The following EFR3B variants were observed in gnomAD, a reference collection of about 807,000 sequenced individuals.
EFR3B encodes EFR3 homolog B, also known as protein EFR3 homolog B.
In EFR3B, 64 loss-of-function variants were observed where a neutral mutation model predicts 104.7. The ratio of observed to expected loss-of-function variants is 0.61; its 90% CI spans 0.50 to 0.75. The LOEUF (loss-of-function observed/expected upper bound fraction) is 0.75. EFR3B is among the 30% of genes least tolerant of loss of function. EFR3B has a pLI of 0.00. For synonymous variants in EFR3B, 385 were observed against 417.9 expected, an observed-to-expected ratio of 0.92 and a Z score of 0.96; for missense variants, 750 against 1,078.5, an observed-to-expected ratio of 0.70 and a Z score of 4.27.
At chr2:25,152,826 G>A (rs1671051055) in intron 21 of EFR3B, among the ~76,000 whole-genome samples, 7 of 141,656 alleles carry the variant, frequency 4.9e-5, no homozygotes, top group Admixed American at 4.8e-4. Flanking sequence ...GTGTGTGTGT[G>A]TGTGTGTGTG....
chr2:25,133,342 C>CTAT (rs1321150699), intron 11 of EFR3B, 41 bp from the exon 12 acceptor site: 1 of 1,547,080 alleles, frequency 6.5e-7, no homozygotes, highest in South Asian at 1.2e-5. Context: ...GACCTCTGCC[C>CTAT]TATTACCATC....
intron 16 of EFR3B, among the ~76,000 whole-genome samples, chr2:25,139,574 G>A (rs550075813): frequency 6.6e-6 from 1 of 152,064 alleles, no homozygotes; most frequent in African/African-American, 2.4e-5. Flanking sequence ...ATGAAATACC[G>A]CAAAAGTGAC....
At chr2:25,099,105 C>T (rs748365022) in intron 3 of EFR3B, among the ~76,000 whole-genome samples, 27 of 152,122 alleles carry the variant, frequency 1.8e-4, no homozygotes, top group Admixed American at 7.2e-4. Flanking sequence ...ATTTCCTACC[C>T]GCCATGCTTG....
At chr2:25,132,146 A>T (rs1009480790) in intron 10 of EFR3B, among the ~76,000 whole-genome samples, 25 of 152,282 alleles carry the variant, frequency 1.6e-4, no homozygotes, top group African/African-American at 4.6e-4. Context: ...CCCCTGTAGG[A>T]TTGTCCAGCA....
rs1186258528 is a variant in EFR3B at position 25,136,964 on chromosome 2, T to G, written c.1560+366T>G. Among the ~76,000 whole-genome samples, 1 of 152,092 alleles carries G rather than the reference T, an allele frequency of 6.6e-6. No homozygotes were observed. Among genetic ancestry groups the G allele is most frequent in the East Asian group, 1.9e-4 (1 of 5,192 alleles). On this transcript the variant is annotated intron_variant, in intron 14 of 22. Coordinates refer to ENST00000403714, the MANE Select transcript of EFR3B (RefSeq NM_014971.2). The surrounding 1 kb of genome is among the most constrained non-coding windows in gnomAD (Gnocchi z 4.0). ...TGCCTCCTCCCTCTGTAGCTATGTC[T>G]CCTCCCTCTGTAGCTCTGTCTCCTC...
intron 16 of EFR3B, 22 bp downstream of exon 16, chr2:25,139,212 A>G (rs776290719): frequency 3.9e-6 from 6 of 1,546,542 alleles, no homozygotes; most frequent in Non-Finnish European, 5.2e-6. Flanking sequence ...CACGACCAAG[A>G]GCTCAGGGGG....
At chr2:25,149,241 G>C (rs1431173279) in intron 19 of EFR3B, among the ~76,000 whole-genome samples, 1 of 152,074 alleles carries the variant, frequency 6.6e-6, no homozygotes, top group African/African-American at 2.4e-5. Flanking sequence ...CCAGCTACTT[G>C]GGAGGCTGAG....
chr2:25,081,257 G>T (rs993777813), intron 1 of EFR3B: 2 of 1,039,920 alleles, frequency 1.9e-6, no homozygotes, highest in Non-Finnish European at 1.5e-6. Context: ...CTCCTTTGAG[G>T]CCACTTTCAA....
At chr2:25,102,094 T>C (rs1265331659) in intron 3 of EFR3B, among the ~76,000 whole-genome samples, 1 of 152,194 alleles carries the variant, frequency 6.6e-6, no homozygotes, top group African/African-American at 2.4e-5. Flanking sequence ...TTTCTTGGGA[T>C]TTATGAGAAG....
chr2:25,121,876 A>G, intron 5 of EFR3B, 82 bp downstream of exon 5: 2 of 1,526,024 alleles, frequency 1.3e-6, no homozygotes, highest in Non-Finnish European at 1.8e-6. Context: ...CCAACCTGCC[A>G]TTGCGTGTCT....
intron 5 of EFR3B, among the ~76,000 whole-genome samples, chr2:25,122,743 G>A (rs1203274191): frequency 6.6e-6 from 1 of 151,986 alleles, no homozygotes; most frequent in African/African-American, 2.4e-5. Flanking sequence ...CCCTCACTCT[G>A]CCGGGGTTTC....
intron 1 of EFR3B, among the ~76,000 whole-genome samples, chr2:25,052,564 T>G (rs988981158): frequency 1.4e-5 from 2 of 144,092 alleles, no homozygotes; most frequent in African/African-American, 2.6e-5. Context: ...TGCAGTGGCG[T>G]GATCTCTGCT....
At chr2:25,142,971 G>C (rs1670713948) in intron 17 of EFR3B, among the ~76,000 whole-genome samples, 1 of 150,602 alleles carries the variant, frequency 6.6e-6, no homozygotes. Flanking sequence ...AAAAAGGCTG[G>C]GCATGGCGGC....
intron 4 of EFR3B, among the ~76,000 whole-genome samples, chr2:25,107,057 G>A (rs576304282): frequency 2.0e-5 from 3 of 152,158 alleles, no homozygotes; most frequent in South Asian, 4.1e-4. Context: ...GCCAAGAAGC[G>A]AGATGATTTG....
intron 1 of EFR3B, among the ~76,000 whole-genome samples, chr2:25,061,405 G>A (rs1363266288): frequency 6.6e-6 from 1 of 151,888 alleles, no homozygotes; most frequent in Non-Finnish European, 1.5e-5. Flanking sequence ...GATGCACCGT[G>A]CCCAACCTGG....
At chr2:25,152,138 C>T (rs1671027720) in intron 21 of EFR3B, 118 bp downstream of exon 21, 8 of 964,088 alleles carry the variant, frequency 8.3e-6, no homozygotes, top group Non-Finnish European at 1.2e-5. Flanking sequence ...CTCCCCCACC[C>T]CCACCCTGCC....
rs1670547228 is a variant in EFR3B, at chr2:25,137,421, T to C, written c.1641T>C (p.Tyr547=). The C allele has an allele frequency of 6.4e-7, 1 of 1,551,836 alleles. No homozygotes were observed. The highest frequency in any genetic ancestry group is 8.7e-7 in the Non-Finnish European group (1 of 1,147,022). The change falls in exon 15 of 23, where the codon TAT becomes TAC. Residue 547 remains tyrosine, a synonymous_variant. Transcript: ENST00000403714. The surrounding 1 kb of genome is among the most constrained non-coding windows in gnomAD (Gnocchi z 4.7). The part of the protein sequence containing the change: ...TNVQKHYEAL[Y]GLLALISIEL... ...TGCAGAAACACTACGAGGCGCTCTATGGCTTGCTGGCCCTCATCAGCATCG... is the reference window on the plus strand; with the variant it reads ...TGCAGAAACACTACGAGGCGCTCTACGGCTTGCTGGCCCTCATCAGCATCG...
intron 5 of EFR3B, among the ~76,000 whole-genome samples, chr2:25,127,910 AGCTGGAGCATCCAGCACCCTAGG>A (rs1382838292): frequency 6.6e-6 from 1 of 152,178 alleles, no homozygotes; most frequent in Non-Finnish European, 1.5e-5. Context: ...AAAGATGGGG[AGCTGGAGCATCCAGCACCCTAGG>A]GCTGGAGCCC....
Position 25,143,247 on chromosome 2 carries a change from T to C in EFR3B, c.1923-488T>C, listed in dbSNP as rs751176924. The stretch of plus-strand genomic sequence containing the variant: ...AAAAAAAAGTGACTGAAGGATGTGA[T>C]TGTTGTACATAAGAATATATTATAA... On this transcript the variant is annotated intron_variant, in intron 17 of 22. Transcript: ENST00000403714. 5.3e-4 allele frequency among the ~76,000 whole-genome samples: 80 copies of C among 152,224 alleles called. No individual in the cohort carries two copies. The Middle Eastern group carries it at 0.024, about 45-fold the overall frequency.
Sources: allele counts gnomAD v4.1 joint callset (sites outside exome capture counted in the v4.1 genomes callset), GRCh38; gene constraint gnomAD v4.1.1; non-coding constraint Gnocchi (gnomAD v3.1); transcripts MANE v1.5; gene names NCBI Gene and HGNC (gene_info 2026-07-23, HGNC 2026-07-21).